The following TLN2 variants were observed in gnomAD, a reference collection of about 807,000 sequenced individuals.
TLN2 encodes the protein talin 2.
A neutral mutation model predicts 294.7 loss-of-function variants in TLN2; 118 were observed. The observed-to-expected ratio is 0.40, with a 90% CI of 0.34 to 0.47. The LOEUF is 0.47. TLN2 is among the 20% of genes least tolerant of loss of function. The probability of loss-of-function intolerance (pLI) is 0.84; values close to 1 mark genes in which losing one functional copy is unlikely to be tolerated. For synonymous variants in TLN2, 1,431 were observed against 1,304.5 expected (o/e 1.10, Z -2.09); for missense variants, 3,083 against 3,282.2 (o/e 0.94, Z 1.48).
intron 22 of TLN2, among the ~76,000 whole-genome samples, chr15:62,715,999 G>C (rs2059748703): frequency 6.6e-6 from 1 of 152,174 alleles, no homozygotes; most frequent in Admixed American, 6.5e-5. Context: ...GATTCTCCCT[G>C]GGAGAGATGG....
rs764624691 is a variant in TLN2, at chr15:62,708,728, G to A, written c.2399G>A (p.Arg800His). ...QFASRGEPIGRYDQATDTIMC... is the reference protein window; with the variant it reads ...QFASRGEPIGHYDQATDTIMC... Reference sequence around the variant, plus strand: ...GCCAGCCGAGGCGAGCCCATCGGCCGCTACGACCAGGCTACTGACACCATC... The same window carrying A: ...GCCAGCCGAGGCGAGCCCATCGGCCACTACGACCAGGCTACTGACACCATC... The change falls in exon 21 of 59, where the codon CGC becomes CAC. Residue 800 changes from arginine (R) to histidine (H), a missense_variant. Coordinates refer to ENST00000636159, the MANE Select transcript of TLN2 (RefSeq NM_015059.3). 4.0e-5 allele frequency: 65 copies of A among 1,612,148 alleles called. No homozygotes were observed. Among genetic ancestry groups the A allele is most frequent in the Non-Finnish European group, 5.3e-5 (63 of 1,180,020 alleles).
intron 1 of TLN2, among the ~76,000 whole-genome samples, chr15:62,543,501 T>C (rs956841533): frequency 2.6e-5 from 4 of 152,070 alleles, no homozygotes; most frequent in Admixed American, 6.5e-5. Flanking sequence ...CTCACGCCTA[T>C]AATCCCAGCA....
chr15:62,749,332 A>G (rs762328839), intron 33 of TLN2, among the ~76,000 whole-genome samples: 9 of 152,232 alleles, frequency 5.9e-5, no homozygotes, highest in Non-Finnish European at 1.2e-4. Flanking sequence ...TGTTTCTTAC[A>G]TTGGCTGAAT....
At chr15:62,803,839 T>C (rs1485495907) in intron 50 of TLN2, among the ~76,000 whole-genome samples, 1 of 152,198 alleles carries the variant, frequency 6.6e-6, no homozygotes, top group Admixed American at 6.5e-5. Flanking sequence ...TTTTCCTGGA[T>C]GCTTATAGGT....
intron 54 of TLN2, among the ~76,000 whole-genome samples, chr15:62,823,759 C>T (rs1254379416): frequency 6.6e-6 from 1 of 152,148 alleles, no homozygotes; most frequent in Non-Finnish European, 1.5e-5. Flanking sequence ...ATCTGCTGTT[C>T]ACCTGGGGAG....
rs149704111 is a variant in TLN2, at chr15:62,529,342, C to T, written c.-237-60345C>T. Among the ~76,000 whole-genome samples the T allele has an allele frequency of 2.4e-3, 367 of 152,204 alleles. 1 individual carries two copies. Among genetic ancestry groups the T allele is most frequent in the African/African-American group, 8.6e-3 (357 of 41,546 alleles). ...CTCCTGGACTCAGGCAATCTTCCCA[C>T]CTTGGCCTTGTGTTGGTATTACACG... On this transcript the variant is annotated intron_variant, in intron 1 of 58. Transcript: ENST00000636159.
intron 55 of TLN2, chr15:62,834,081 T>G (rs759211562): frequency 2.0e-5 from 3 of 153,202 alleles, no homozygotes; most frequent in Non-Finnish European, 2.9e-5. Context: ...TTCCTAAGTC[T>G]GCTGGTGAAT....
chr15:62,511,976 G>C (rs532750850), intron 1 of TLN2, among the ~76,000 whole-genome samples: 3 of 152,140 alleles, frequency 2.0e-5, no homozygotes, highest in East Asian at 3.9e-4. Flanking sequence ...GCCGTGCCCT[G>C]GTGTCTAGTC....
chr15:62,705,596 C>T (rs2059010669), intron 19 of TLN2, among the ~76,000 whole-genome samples: 1 of 152,096 alleles, frequency 6.6e-6, no homozygotes, highest in African/African-American at 2.4e-5. Context: ...AAATCCTGGC[C>T]CCCCATCTGA....
chr15:62,445,717 G>A lies in TLN2; in HGVS notation c.-238+55032G>A, dbSNP rs56024350. Among the ~76,000 whole-genome samples the A allele has an allele frequency of 6.4e-3, 968 of 151,998 alleles. 11 individuals carry two copies. The highest frequency in any genetic ancestry group is 0.022 in the African/African-American group (901 of 41,440). ...CTTGCTCTGTCACCGAGGATGGAGT[G>A]CAATGGCCTGATCACAGTTCACTGC... On this transcript the variant is annotated intron_variant, in intron 1 of 58. Transcript: ENST00000636159.
At chr15:62,832,938 G>A (rs1242939984) in intron 54 of TLN2, 1 of 151,764 alleles carries the variant, frequency 6.6e-6, no homozygotes, top group African/African-American at 2.4e-5. Context: ...TTCAGTTATT[G>A]ATGTTGCTAA....
At chr15:62,494,174 G>A (rs1419779330) in intron 1 of TLN2, among the ~76,000 whole-genome samples, 1 of 152,168 alleles carries the variant, frequency 6.6e-6, no homozygotes, top group Non-Finnish European at 1.5e-5. Flanking sequence ...GTTTGCCTCA[G>A]TTTGGGTGGG....
At chr15:62,412,138 A>G (rs140346570) in intron 1 of TLN2, among the ~76,000 whole-genome samples, 173 of 152,340 alleles carry the variant, frequency 1.1e-3, no homozygotes, top group African/African-American at 3.8e-3. Context: ...TCACCTGGAA[A>G]CTTGTTGGAA....
At chr15:62,399,277 A>T (rs1219338511) in intron 1 of TLN2, among the ~76,000 whole-genome samples, 2 of 150,822 alleles carry the variant, frequency 1.3e-5, no homozygotes, top group African/African-American at 4.9e-5. Context: ...AAAAAAAAAA[A>T]AAAAAAAAGT....
intron 28 of TLN2, chr15:62,733,983 C>G (rs1213322947): frequency 1.3e-5 from 2 of 152,180 alleles, no homozygotes; most frequent in African/African-American, 4.8e-5. Flanking sequence ...GTTCACTGGG[C>G]TTTCTGACCT....
chr15:62,470,234 G>A (rs879323888), intron 1 of TLN2, among the ~76,000 whole-genome samples: 11 of 152,178 alleles, frequency 7.2e-5, no homozygotes, highest in Admixed American at 5.9e-4. Flanking sequence ...GACCCATTCG[G>A]GAGGATGGCC....
chr15:62,533,558 G>A (rs2041172075), intron 1 of TLN2, among the ~76,000 whole-genome samples: 4 of 152,178 alleles, frequency 2.6e-5, no homozygotes, highest in Admixed American at 2.6e-4. Context: ...GGAGAGGGAA[G>A]CAGACAGACA....
At chr15:62,501,120 G>T (rs965880444) in intron 1 of TLN2, among the ~76,000 whole-genome samples, 2 of 152,234 alleles carry the variant, frequency 1.3e-5, no homozygotes, top group Non-Finnish European at 2.9e-5. Flanking sequence ...TTGAGCAAAA[G>T]ATAAATGACC....
rs992192139 is a variant in TLN2 at position 62,755,335 on chromosome 15, C to T, written c.4477-197C>T. The T allele has an allele frequency of 2.9e-5, 18 of 621,534 alleles. No homozygotes were observed. The Admixed American group carries it at 4.5e-4, about 15-fold the overall frequency. The allele number at this position is 621,534 out of a possible 1,614,324, so 38.5% of individuals were successfully genotyped here. ...TGTCAGCACCTCCTTTTTTCTTATT[C>T]TTTCTTTATTATCTGTGCTTAAGAT... On this transcript the variant is annotated intron_variant, in intron 36 of 58. Coordinates refer to ENST00000636159, the MANE Select transcript of TLN2 (RefSeq NM_015059.3).
Sources: gnomAD v4.1 joint callset for allele counts (sites outside exome capture counted in the v4.1 genomes callset) on GRCh38, gnomAD v4.1.1 for gene constraint, MANE v1.5 for transcripts, NCBI Gene and HGNC (gene_info 2026-07-23, HGNC 2026-07-21) for gene names.